The following PLA2G4F variants were observed in gnomAD, a reference collection of about 807,000 sequenced individuals.
PLA2G4F encodes cytosolic phospholipase A2 zeta.
PLA2G4F carries 105 observed loss-of-function variants against 103.1 expected under a neutral mutation model. The observed-to-expected ratio is 1.02, with a 90% CI of 0.87 to 1.20. The LOEUF (loss-of-function observed/expected upper bound fraction) is 1.20, where lower values mean the gene tolerates loss of function less well. Ranked by LOEUF, PLA2G4F falls within the 50% of genes most tolerant of loss-of-function variation. The probability of loss-of-function intolerance (pLI) is 0.00; values close to 1 mark genes in which losing one functional copy is unlikely to be tolerated. For missense variants in PLA2G4F, 1,155 were observed against 1,075.9 expected, an observed-to-expected ratio of 1.07 and a Z score of -1.03; for synonymous variants, 468 against 441.1, an observed-to-expected ratio of 1.06 and a Z score of -0.76.
rs867675482 is a variant in PLA2G4F, at chr15:42,142,587, G to A, written c.2270C>T (p.Ser757Phe). The change falls in exon 19 of 20, where the codon TCC (serine) becomes TTC (phenylalanine). Residue 757 changes from serine to phenylalanine, a missense_variant. This residue lies in a region of PLA2G4F where 782 missense variants were observed against 692.9 expected (regional missense o/e 1.13). Transcript: ENST00000397272. ...CAGGGGGAAGTGCAGCACAATGGGG[G>A]AGCGGGGGTCCTCAGCCTTGGCAAA... Reference protein sequence around the residue: ...YLFAKAEDPRSPIVLHFPLVN... With the variant: ...YLFAKAEDPRFPIVLHFPLVN... The A allele has an allele frequency of 6.2e-7, 1 of 1,614,110 alleles. No homozygotes were observed. Among genetic ancestry groups the A allele is most frequent in the Non-Finnish European group, 8.5e-7 (1 of 1,180,006 alleles).
Position 42,145,759 on chromosome 15 carries a change from G to C in PLA2G4F, c.1672+7C>G. The C allele has an allele frequency of 6.2e-7, 1 of 1,613,978 alleles. No homozygotes were observed. The highest frequency in any genetic ancestry group is 8.5e-7 in the Non-Finnish European group (1 of 1,180,008). On this transcript the variant is annotated splice_region_variant and intron_variant, in intron 15 of 19. Transcript: ENST00000397272. ...TGCCTGTCCCCAGCCCTCCAGCCTC[G>C]ACTCACCTTGCAGGTAACAGATCCG...
chr15:42,149,460 GAA>G (rs1012566993), intron 11 of PLA2G4F: 16 of 976,492 alleles, frequency 1.6e-5, no homozygotes, highest in Non-Finnish European at 1.8e-5. Context: ...AGAACTGAGA[GAA>G]AAGTCATTTC....
At chr15:42,153,773 G>T in intron 4 of PLA2G4F, 113 bp from the exon 5 acceptor site, 2 of 1,218,604 alleles carry the variant, frequency 1.6e-6, no homozygotes, top group Non-Finnish European at 2.3e-6. Context: ...GACTGGCATT[G>T]TGGCTTGTCA....
At chr15:42,149,034 T>TG in intron 11 of PLA2G4F, 1 of 985,332 alleles carries the variant, frequency 1.0e-6, no homozygotes, top group Non-Finnish European at 1.2e-6. Flanking sequence ...CCTGATCCCC[T>TG]GTAAGTCCCT....
At chr15:42,153,400 C>CA in intron 5 of PLA2G4F, 58 bp from the exon 6 acceptor site, 4 of 1,581,798 alleles carry the variant, frequency 2.5e-6, no homozygotes, top group Non-Finnish European at 3.5e-6. Flanking sequence ...ATGGCCTCTA[C>CA]AATCATAATG....
At chr15:42,143,710 G>C (rs2048848329) in intron 18 of PLA2G4F, among the ~76,000 whole-genome samples, 1 of 152,206 alleles carries the variant, frequency 6.6e-6, no homozygotes, top group Admixed American at 6.5e-5. Context: ...GATGAGGCTA[G>C]AAGATTCCTG....
chr15:42,155,641 T>G (rs2049008238), intron 1 of PLA2G4F, 52 bp from the exon 2 acceptor site: 6 of 1,561,936 alleles, frequency 3.8e-6, no homozygotes, highest in Non-Finnish European at 4.4e-6. Context: ...GCCTGGTCCC[T>G]CGCCCCATTG....
chr15:42,144,590 AG>A lies in PLA2G4F; in HGVS notation c.1834del (p.Leu612SerfsTer105). On this transcript the variant is annotated frameshift_variant, in exon 17 of 20. Transcript: ENST00000397272. LOFTEE classifies it high-confidence loss of function. ...CTGGGAGAAGGGCCCCTGTGGGGTG[AG>A]GAGCCTCGTTCGCAGCCTCGAGGGG... is the stretch of plus-strand genomic sequence containing the variant. ...HNPSRLRTRL[L>X]TPQGPFSQAV... 6.2e-7 allele frequency: 1 copy of A among 1,612,732 alleles called. No homozygotes were observed. The highest frequency in any genetic ancestry group is 1.1e-5 in the South Asian group (1 of 90,996).
In PLA2G4F at chr15:42,147,718, G is replaced by A. The variant is rs778246983; in HGVS notation, c.1104C>T (p.Ala368=). The A allele has an allele frequency of 6.2e-7, 1 of 1,613,928 alleles. No homozygotes were observed. The highest frequency in any genetic ancestry group is 1.3e-5 in the African/African-American group (1 of 74,910). Residue 368 remains alanine, a synonymous_variant, in exon 12 of 20, where the codon GCC becomes GCT. Coordinates refer to ENST00000397272, the MANE Select transcript of PLA2G4F (RefSeq NM_213600.4). ...CCAGGCTGCCGTACAGAGAAGACAT[G>A]GCTCGGGTTCCACCCCCGGAACCCA... ...AVLGSGGGTR[A]MSSLYGSLAG...
rs754282569 is a variant in PLA2G4F at position 42,142,595 on chromosome 15, G to A, written c.2262C>T (p.Asp754=). 2 of 1,613,986 alleles carry A rather than the reference G, an allele frequency of 1.2e-6. No individual in the cohort carries two copies. The highest frequency in any genetic ancestry group is 1.3e-5 in the African/African-American group (1 of 74,904). ...RECYLFAKAE[D]PRSPIVLHFP... is the part of the protein sequence containing the mutation. ...AGTGCAGCACAATGGGGGAGCGGGGGTCCTCAGCCTTGGCAAACAGATAGC... is the reference window on the plus strand; with the variant it reads ...AGTGCAGCACAATGGGGGAGCGGGGATCCTCAGCCTTGGCAAACAGATAGC... The change falls in exon 19 of 20, where the codon GAC becomes GAT. Residue 754 remains aspartate, a synonymous_variant. Coordinates refer to ENST00000397272, the MANE Select transcript of PLA2G4F (RefSeq NM_213600.4).
rs768668771 is a variant in PLA2G4F, at chr15:42,145,921, G to A, written c.1535-18C>T. The A allele has an allele frequency of 3.7e-6, 6 of 1,612,556 alleles. No individual in the cohort carries two copies. The highest frequency in any genetic ancestry group is 1.1e-5 in the South Asian group (1 of 91,060). Reference sequence around the variant, plus strand: ...GCACCACTCTAGGGGCCCGAGTGAAGGGAAAGTCACCAGGGGCTTCCCACC... The same window carrying A: ...GCACCACTCTAGGGGCCCGAGTGAAAGGAAAGTCACCAGGGGCTTCCCACC... On this transcript the variant is annotated intron_variant, in intron 14 of 19. Coordinates refer to ENST00000397272, the MANE Select transcript of PLA2G4F (RefSeq NM_213600.4).
intron 9 of PLA2G4F, 75 bp downstream of exon 9, chr15:42,150,298 G>T: frequency 6.5e-7 from 1 of 1,538,168 alleles, no homozygotes; most frequent in Non-Finnish European, 8.9e-7. Flanking sequence ...ACCCTCTTGG[G>T]TCCCTCCTCC....
intron 7 of PLA2G4F, chr15:42,151,724 G>C: frequency 3.4e-6 from 3 of 888,304 alleles, no homozygotes; most frequent in Non-Finnish European, 4.0e-6. Flanking sequence ...GACTGAGATG[G>C]AGACGTGCTA....
chr15:42,142,052 C>G lies in PLA2G4F; in HGVS notation c.2482G>C (p.Glu828Gln). The G allele has an allele frequency of 6.2e-7, 1 of 1,614,232 alleles. No homozygotes were observed. Reference sequence around the variant, plus strand: ...AGCTGGAGGGCGCACTTCAAGGTCTCCACGTTGTTCAGGACGTTGTATCGA... The same window carrying G: ...AGCTGGAGGGCGCACTTCAAGGTCTGCACGTTGTTCAGGACGTTGTATCGA... ...LSRYNVLNNV[E>Q]TLKCALQLAL... The change falls in exon 20 of 20, where the codon GAG becomes CAG. Residue 828 changes from glutamate (E) to glutamine (Q), a missense_variant. By Grantham distance (29) the Glu-to-Gln change is conservative. Transcript: ENST00000397272.
intron 18 of PLA2G4F, among the ~76,000 whole-genome samples, 193 bp from the exon 19 acceptor site, chr15:42,142,907 A>C (rs1360753111): frequency 1.3e-5 from 2 of 152,158 alleles, no homozygotes; most frequent in South Asian, 2.1e-4. Flanking sequence ...CCGGCCGGGC[A>C]TGGTGGCTCA....
intron 13 of PLA2G4F, 37 bp from the exon 14 acceptor site, chr15:42,146,278 G>C (rs528523377): frequency 1.1e-5 from 18 of 1,588,284 alleles, no homozygotes; most frequent in African/African-American, 9.4e-5. Context: ...TGGCCTTTCA[G>C]GAGTTCCATT....
intron 11 of PLA2G4F, 97 bp downstream of exon 11, chr15:42,149,616 C>A: frequency 6.5e-7 from 1 of 1,530,254 alleles, no homozygotes; most frequent in Non-Finnish European, 8.8e-7. Context: ...ACAGGCCAAC[C>A]TCCTCTGGCC....
chr15:42,150,104 CTCATTTCCACCT>C lies in PLA2G4F; in HGVS notation c.911_922del (p.Lys304_Met307del), dbSNP rs780559548. Reference sequence around the variant, plus strand: ...GCCTTCTGCCTGGAGTCCCACTCACCTCATTTCCACCTTCATGCTCAGAGCCACCTCCTGGCC... The same window carrying C: ...GCCTTCTGCCTGGAGTCCCACTCACCTCATGCTCAGAGCCACCTCCTGGCC... On this transcript the variant is annotated inframe_deletion and splice_region_variant, in exon 10 of 20. Coordinates refer to ENST00000397272, the MANE Select transcript of PLA2G4F (RefSeq NM_213600.4). The C allele has an allele frequency of 1.2e-5, 20 of 1,614,082 alleles. No individual in the cohort carries two copies. In the South Asian group the frequency reaches 2.0e-4, roughly 16 times the overall value.
chr15:42,142,847 C>T lies in PLA2G4F; in HGVS notation c.2143-133G>A, dbSNP rs2048839413. 3 of 927,554 alleles carry T rather than the reference C, an allele frequency of 3.2e-6. No homozygotes were observed. In the East Asian group the frequency reaches 7.9e-5, roughly 24 times the overall value. The allele number at this position is 927,554 out of a possible 1,614,324, so 57.5% of individuals were successfully genotyped here. ...CTGAGTGACTTCAGGCAGGTGACAG[C>T]TCCTTTCTGAGCTGGTTTCTCATGT... On this transcript the variant is annotated intron_variant, in intron 18 of 19. Coordinates refer to ENST00000397272, the MANE Select transcript of PLA2G4F (RefSeq NM_213600.4).
Sources: gnomAD v4.1 joint callset for allele counts (sites outside exome capture counted in the v4.1 genomes callset) on GRCh38, gnomAD v4.1.1 for gene constraint, gnomAD v4.1.1 regional missense constraint, MANE v1.5 for transcripts, NCBI Gene and HGNC (gene_info 2026-07-23, HGNC 2026-07-21) for gene names.